PPM1L: variants seen among roughly 807,000 people sequenced by gnomAD.
The protein encoded by PPM1L is protein phosphatase 1L.
In PPM1L, 13 loss-of-function variants were observed where a neutral mutation model predicts 31.4. That is an observed-to-expected ratio of 0.41 (90% CI 0.27 to 0.66). The LOEUF is 0.66. Among genes scored for constraint, PPM1L ranks in the 30% least tolerant of loss-of-function variants. The pLI, the probability that PPM1L is intolerant of heterozygous loss-of-function variation, is 0.29. For missense variants in PPM1L, 326 were observed against 453.7 expected (o/e 0.72, Z 2.56); for synonymous variants, 184 against 175.4 (o/e 1.05, Z -0.39).
At chr3:160,788,494 C>G (rs1325107267) in intron 1 of PPM1L, among the ~76,000 whole-genome samples, 1 of 151,560 alleles carries the variant, frequency 6.6e-6, no homozygotes, top group African/African-American at 2.4e-5. Flanking sequence ...GAAGATTTGC[C>G]CTTTATCATA....
At chr3:160,882,055 A>AAC (rs10623017) in intron 1 of PPM1L, among the ~76,000 whole-genome samples, 39,983 of 151,426 alleles carry the variant, frequency 0.26, 5,594 homozygotes, top group East Asian at 0.51. Context: ...TGTCTCAAAA[A>AAC]AAAAAAAAAA....
intron 2 of PPM1L, among the ~76,000 whole-genome samples, chr3:161,061,637 T>C (rs1719573466): frequency 6.6e-6 from 1 of 152,206 alleles, no homozygotes; most frequent in Non-Finnish European, 1.5e-5. Context: ...ATTTACATTA[T>C]AGATTATAAG....
chr3:160,834,764 G>A (rs909549600), intron 1 of PPM1L, among the ~76,000 whole-genome samples: 1 of 152,076 alleles, frequency 6.6e-6, no homozygotes, highest in Non-Finnish European at 1.5e-5. Context: ...TCAATAGCTT[G>A]TTCCTTTTCA....
intron 2 of PPM1L, among the ~76,000 whole-genome samples, chr3:160,989,202 C>T (rs188320946): frequency 5.3e-5 from 8 of 152,154 alleles, no homozygotes; most frequent in African/African-American, 1.9e-4. Context: ...CTCATTTCTC[C>T]TCTTTTAATT....
intron 1 of PPM1L, among the ~76,000 whole-genome samples, chr3:160,944,860 TATATA>T (rs1286564587): frequency 7.4e-5 from 3 of 40,688 alleles, no homozygotes; most frequent in Admixed American, 2.8e-4. Context: ...ACATATATTA[TATATA>T]ATGTTATATA....
chr3:160,904,313 T>C (rs553459001), intron 1 of PPM1L, among the ~76,000 whole-genome samples: 2 of 152,300 alleles, frequency 1.3e-5, no homozygotes, highest in South Asian at 4.1e-4. Flanking sequence ...TAAAAGCATA[T>C]ATGATGTTCT....
At chr3:160,772,144 T>C (rs1417930330) in intron 1 of PPM1L, among the ~76,000 whole-genome samples, 3 of 152,164 alleles carry the variant, frequency 2.0e-5, no homozygotes, top group African/African-American at 7.2e-5. Context: ...GAAGAAGTCA[T>C]GGGGTAAAGA....
chr3:160,900,517 A>G (rs1713503793), intron 1 of PPM1L, among the ~76,000 whole-genome samples: 1 of 152,126 alleles, frequency 6.6e-6, no homozygotes, highest in African/African-American at 2.4e-5. Flanking sequence ...CATATTTAAC[A>G]TGCTTTGATT....
At chr3:161,068,568 C>G (rs1256844421) in intron 3 of PPM1L, among the ~76,000 whole-genome samples, 3 of 152,190 alleles carry the variant, frequency 2.0e-5, no homozygotes, top group Non-Finnish European at 4.4e-5. Flanking sequence ...TATCCGCCAC[C>G]TTCAGTACTC....
intron 2 of PPM1L, among the ~76,000 whole-genome samples, chr3:160,982,066 C>T (rs1281136803): frequency 6.6e-6 from 1 of 152,062 alleles, no homozygotes; most frequent in Admixed American, 6.6e-5. Flanking sequence ...GCGCTTGGCC[C>T]CCTCTCGTTT....
intron 1 of PPM1L, among the ~76,000 whole-genome samples, chr3:160,943,674 G>A (rs1474979200): frequency 6.6e-6 from 1 of 152,172 alleles, no homozygotes; most frequent in African/African-American, 2.4e-5. Flanking sequence ...ATTTCAAACA[G>A]AATTGGCATT....
intron 1 of PPM1L, among the ~76,000 whole-genome samples, chr3:160,923,512 A>C (rs1714483121): frequency 6.6e-6 from 1 of 152,192 alleles, no homozygotes; most frequent in Admixed American, 6.5e-5. Context: ...GGCATATGCA[A>C]CTGGTTTCTG....
At chr3:160,874,160 A>T (rs1306445273) in intron 1 of PPM1L, among the ~76,000 whole-genome samples, 1 of 152,170 alleles carries the variant, frequency 6.6e-6, no homozygotes, top group Admixed American at 6.5e-5. Context: ...GGCTGCAGCC[A>T]TGTGAATTAG....
At chr3:160,945,124 T>TATATAA (rs1559897816) in intron 1 of PPM1L, among the ~76,000 whole-genome samples, 89 of 23,412 alleles carry the variant, frequency 3.8e-3, no homozygotes, top group Admixed American at 7.0e-3. Context: ...TATCTATCTA[T>TATATAA]CTATCTATCT....
At chr3:160,922,071 G>C (rs1456079695) in intron 1 of PPM1L, among the ~76,000 whole-genome samples, 1 of 152,164 alleles carries the variant, frequency 6.6e-6, no homozygotes, top group African/African-American at 2.4e-5. Flanking sequence ...AGCACTTTGG[G>C]AGGCCAAGGC....
At chr3:160,903,212 G>GTGTATGTT (rs1385032802) in intron 1 of PPM1L, among the ~76,000 whole-genome samples, 146 of 128,988 alleles carry the variant, frequency 1.1e-3, no homozygotes, top group African/African-American at 2.7e-3. Context: ...GTATGTTTGT[G>GTGTATGTT]TGTGTGTGTG....
chr3:160,807,298 G>T (rs1195517303), intron 1 of PPM1L, among the ~76,000 whole-genome samples: 1 of 152,152 alleles, frequency 6.6e-6, no homozygotes, highest in East Asian at 1.9e-4. Flanking sequence ...TAACAATTCT[G>T]CAAGCTATAT....
intron 1 of PPM1L, among the ~76,000 whole-genome samples, chr3:160,944,823 A>ATATATAACATATAT (rs1715297954): frequency 6.0e-5 from 1 of 16,694 alleles, no homozygotes; most frequent in African/African-American, 1.7e-4. Flanking sequence ...TATATATGTT[A>ATATATAACATATAT]TATATAACAT....
At chr3:161,028,284 T>A (rs1364009988) in intron 2 of PPM1L, among the ~76,000 whole-genome samples, 1 of 152,170 alleles carries the variant, frequency 6.6e-6, no homozygotes, top group Non-Finnish European at 1.5e-5. Context: ...TAAGAAATTT[T>A]TTTTAACATA....
Sources: gnomAD v4.1 joint callset for allele counts (sites outside exome capture counted in the v4.1 genomes callset) on GRCh38, gnomAD v4.1.1 for gene constraint, MANE v1.5 for transcripts, NCBI Gene and HGNC (gene_info 2026-07-23, HGNC 2026-07-21) for gene names.